Variants in MAP2 observed in about 807,000 individuals in gnomAD.
The protein encoded by MAP2 is microtubule-associated protein 2.
MAP2 carries 14 observed loss-of-function variants against 137.6 expected under a neutral mutation model. The observed-to-expected ratio is 0.10, with a 90% CI of 0.07 to 0.16. The LOEUF is 0.16. MAP2 is among the 10% of genes least tolerant of loss of function. The probability of loss-of-function intolerance (pLI) is 1.00; values close to 1 mark genes in which losing one functional copy is unlikely to be tolerated. For missense variants in MAP2, 2,088 were observed against 2,191.5 expected (o/e 0.95, Z 0.94); for synonymous variants, 786 against 782.3 (o/e 1.00, Z -0.08).
At chr2:209,631,335 T>G (rs2093025767) in intron 4 of MAP2, among the ~76,000 whole-genome samples, 1 of 152,144 alleles carries the variant, frequency 6.6e-6, no homozygotes, top group African/African-American at 2.4e-5. Flanking sequence ...AAGACCACTC[T>G]TCTACAAAAC....
intron 2 of MAP2, among the ~76,000 whole-genome samples, chr2:209,526,187 A>G (rs972375832): frequency 6.6e-6 from 1 of 152,152 alleles, no homozygotes; most frequent in Non-Finnish European, 1.5e-5. Context: ...AGCAATGCCT[A>G]CTTTTTTCAT....
chr2:209,491,060 C>T (rs1045620770), intron 1 of MAP2, among the ~76,000 whole-genome samples: 8 of 152,130 alleles, frequency 5.3e-5, no homozygotes, highest in Non-Finnish European at 1.0e-4. Flanking sequence ...GTAAAACACT[C>T]CTCAGCAAAT....
At chr2:209,705,400 G>A in intron 11 of MAP2, 180 bp from the exon 12 acceptor site, 1 of 408,068 alleles carries the variant, frequency 2.5e-6, no homozygotes. Flanking sequence ...AAAACATCTA[G>A]GCAAATATGC....
At position 209,653,279 on chromosome 2, in the gene MAP2, G is replaced by A. The variant is rs1167386491; in HGVS notation, c.109G>A (p.Ala37Thr). 6 of 1,614,154 alleles carry A rather than the reference G, an allele frequency of 3.7e-6. No homozygotes were observed. In the East Asian group the frequency reaches 1.1e-4, roughly 30 times the overall value. The change falls in exon 5 of 16, where the codon GCA becomes ACA. Residue 37 changes from alanine (A) to threonine (T), a missense_variant. Around this residue, in one of 6 missense-constraint regions of MAP2, gnomAD observed 859 missense variants for 794.5 expected, o/e 1.08. Transcript: ENST00000682079. Reference sequence around the variant, plus strand: ...ACCTGAGATTAAGGATCAAGGCGGAGCAGGGGAAGGACTTGTCCGAAGCGC... The same window carrying A: ...ACCTGAGATTAAGGATCAAGGCGGAACAGGGGAAGGACTTGTCCGAAGCGC... ...HPPEIKDQGGAGEGLVRSANG... is the reference protein window; with the variant it reads ...HPPEIKDQGGTGEGLVRSANG...
rs1470119161 is a variant in MAP2, at chr2:209,469,502, C to CT, written c.-221-38083dup. 4.6e-5 allele frequency among the ~76,000 whole-genome samples: 7 copies of CT among 152,258 alleles called. 1 individual carries two copies. The South Asian group carries it at 1.5e-3, about 32-fold the overall frequency. On this transcript the variant is annotated intron_variant, in intron 1 of 15. Coordinates refer to ENST00000682079, the MANE Select transcript of MAP2 (RefSeq NM_001375505.1). ...CTCAAGTAAGTATATGCACAATACA[C>CT]TTTTTTTGGTTAATGATTAATGGGC...
chr2:209,552,305 G>A (rs1411485640), intron 2 of MAP2, among the ~76,000 whole-genome samples: 1 of 151,994 alleles, frequency 6.6e-6, no homozygotes, highest in Non-Finnish European at 1.5e-5. Context: ...CAGGGCATTT[G>A]GAACTTTTAC....
At chr2:209,537,908 C>T (rs1391628949) in intron 2 of MAP2, among the ~76,000 whole-genome samples, 1 of 152,100 alleles carries the variant, frequency 6.6e-6, no homozygotes, top group Non-Finnish European at 1.5e-5. Flanking sequence ...ATAATATCAA[C>T]AATATTTGAT....
At chr2:209,727,960 T>G (rs1255072914) in intron 14 of MAP2, among the ~76,000 whole-genome samples, 1 of 152,068 alleles carries the variant, frequency 6.6e-6, no homozygotes, top group African/African-American at 2.4e-5. Flanking sequence ...AGAGTCCATC[T>G]CTACAAAAAA....
chr2:209,609,739 A>G (rs2086171445), intron 3 of MAP2, among the ~76,000 whole-genome samples: 1 of 152,158 alleles, frequency 6.6e-6, no homozygotes, highest in Non-Finnish European at 1.5e-5. Flanking sequence ...TAAGTTGCTG[A>G]GTCATTGATT....
chr2:209,696,366 A>G lies in MAP2; in HGVS notation c.4180+16A>G, dbSNP rs896719643. On this transcript the variant is annotated intron_variant, in intron 8 of 15. Coordinates refer to ENST00000682079, the MANE Select transcript of MAP2 (RefSeq NM_001375505.1). The stretch of plus-strand genomic sequence containing the variant: ...GACACTCAAGGTGTGCATTATTATT[A>G]TTATTATTTTAACTCAAACACAATA... 6.5e-7 allele frequency: 1 copy of G among 1,526,884 alleles called. No homozygotes were observed. Among genetic ancestry groups the G allele is most frequent in the Non-Finnish European group, 8.7e-7 (1 of 1,144,264 alleles). The allele number at this position is 1,526,884 out of a possible 1,614,324, so 94.6% of individuals were successfully genotyped here.
chr2:209,723,715 G>C (rs906097483), intron 13 of MAP2: 12 of 1,540,570 alleles, frequency 7.8e-6, no homozygotes, highest in Admixed American at 1.7e-5. Flanking sequence ...TTAGAAAGCT[G>C]TCCTGATTGC....
chr2:209,615,529 CT>C (rs2088930904), intron 3 of MAP2, among the ~76,000 whole-genome samples: 2 of 152,188 alleles, frequency 1.3e-5, no homozygotes, highest in South Asian at 4.1e-4. Context: ...GATATTGACA[CT>C]TTGCAATTTT....
At chr2:209,720,499 C>T (rs1172553476) in intron 13 of MAP2, among the ~76,000 whole-genome samples, 1 of 151,896 alleles carries the variant, frequency 6.6e-6, no homozygotes, top group Non-Finnish European at 1.5e-5. Flanking sequence ...ATTAGCCGGA[C>T]ATGGTGGCGG....
Position 209,573,298 on chromosome 2 carries a change from G to GGTTTTTTTTTTTTTTTTT in MAP2, c.-171-6738_-171-6737insGTTTTTTTTTTTTTTTTT, listed in dbSNP as rs770132978. The stretch of plus-strand genomic sequence containing the variant: ...TTCTTTTCTTTATTTTTCTTTTTCT[G>GGTTTTTTTTTTTTTTTTT]TTTTTTTTTTTTTTTTGAGGAGTCT... On this transcript the variant is annotated intron_variant, in intron 2 of 15. Coordinates refer to ENST00000682079, the MANE Select transcript of MAP2 (RefSeq NM_001375505.1). Among the ~76,000 whole-genome samples, 160 of 120,046 alleles carry GGTTTTTTTTTTTTTTTTT rather than the reference G, an allele frequency of 1.3e-3. 2 individuals are homozygous for GGTTTTTTTTTTTTTTTTT. Among genetic ancestry groups the GGTTTTTTTTTTTTTTTTT allele is most frequent in the African/African-American group, 5.1e-3 (153 of 30,176 alleles). 78.8% of individuals were successfully genotyped at this position (120,046 alleles called of 152,430 possible).
chr2:209,559,359 C>T (rs937745534), intron 2 of MAP2, among the ~76,000 whole-genome samples: 12 of 151,234 alleles, frequency 7.9e-5, no homozygotes, highest in Admixed American at 2.6e-4. Flanking sequence ...TTCCACTGGG[C>T]GTGGTGGCTC....
intron 7 of MAP2, chr2:209,690,982 C>A: frequency 1.2e-6 from 1 of 868,396 alleles, no homozygotes; most frequent in Non-Finnish European, 1.5e-6. Context: ...CTGTTGTAGG[C>A]TTAATGTGCA....
intron 1 of MAP2, among the ~76,000 whole-genome samples, chr2:209,461,606 T>C (rs1702833009): frequency 6.6e-6 from 1 of 151,862 alleles, no homozygotes; most frequent in African/African-American, 2.4e-5. Flanking sequence ...TGTGCCACCA[T>C]GTCTGGCTAA....
At chr2:209,577,454 A>G (rs1385578235) in intron 2 of MAP2, among the ~76,000 whole-genome samples, 1 of 152,226 alleles carries the variant, frequency 6.6e-6, no homozygotes, top group Admixed American at 6.5e-5. Context: ...AATCATATAA[A>G]CTGAATATTG....
At chr2:209,714,838 A>T (rs1442645550) in intron 13 of MAP2, among the ~76,000 whole-genome samples, 2 of 152,188 alleles carry the variant, frequency 1.3e-5, no homozygotes, top group African/African-American at 4.8e-5. Context: ...GTCAGAGTCT[A>T]TACTTTGTCT....
Sources: allele counts gnomAD v4.1 joint callset (sites outside exome capture counted in the v4.1 genomes callset), GRCh38; gene constraint gnomAD v4.1.1; regional missense constraint gnomAD v4.1.1; transcripts MANE v1.5; gene names NCBI Gene and HGNC (gene_info 2026-07-23, HGNC 2026-07-21).